PROM1: variants seen among roughly 807,000 people sequenced by gnomAD.
The protein encoded by PROM1 is prominin-1.
In PROM1, 105 loss-of-function variants were observed where a neutral mutation model predicts 116.9. The ratio of observed to expected loss-of-function variants is 0.90; its 90% CI spans 0.77 to 1.06. The LOEUF is 1.06. PROM1 is among the 50% of genes least tolerant of loss of function. The pLI, the probability that PROM1 is intolerant of heterozygous loss-of-function variation, is 0.00. For synonymous variants in PROM1, 393 were observed against 387.0 expected, an observed-to-expected ratio of 1.02 and a Z score of -0.18; for missense variants, 1,122 against 1,045.2, an observed-to-expected ratio of 1.07 and a Z score of -1.01.
rs374394451 is a variant in PROM1 at position 16,018,482 on chromosome 4, G to A, written c.843C>T (p.His281=). ...ENMNSTLKSL[H]QQSTQLSSSL... is the part of the protein sequence containing the mutation. ...TGCTGCTAAGCTGTGTACTTTGTTGGTGCAAGCTCTTCAAGGTGCTGTTCA... is the reference window on the plus strand; with the variant it reads ...TGCTGCTAAGCTGTGTACTTTGTTGATGCAAGCTCTTCAAGGTGCTGTTCA... The change falls in exon 9 of 28, where the codon CAC becomes CAT. Residue 281 remains histidine (H), a synonymous_variant. Coordinates refer to ENST00000447510, the MANE Select transcript of PROM1 (RefSeq NM_006017.3). The A allele has an allele frequency of 1.5e-4, 242 of 1,612,934 alleles. No homozygotes were observed. Among genetic ancestry groups the A allele is most frequent in the Non-Finnish European group, 3.4e-5 (40 of 1,179,832 alleles).
At chr4:16,006,321 G>A (rs1239821345) in intron 13 of PROM1, among the ~76,000 whole-genome samples, 1 of 152,216 alleles carries the variant, frequency 6.6e-6, no homozygotes, top group Non-Finnish European at 1.5e-5. Flanking sequence ...TAGTGTTGTT[G>A]TTGTTGTTGT....
At chr4:16,014,423 G>A (rs570646203) in intron 10 of PROM1, among the ~76,000 whole-genome samples, 22 of 152,256 alleles carry the variant, frequency 1.4e-4, no homozygotes, top group African/African-American at 2.9e-4. Flanking sequence ...CAGATCTCCC[G>A]GTTCAATGCC....
intron 23 of PROM1, among the ~76,000 whole-genome samples, chr4:15,982,664 G>C (rs890411409): frequency 2.0e-5 from 3 of 152,132 alleles, no homozygotes; most frequent in Non-Finnish European, 4.4e-5. Context: ...TATGTGGTTC[G>C]ACTGAATGGG....
rs1370714952 is a variant in PROM1, at chr4:16,075,840, G to C, written c.67C>G (p.Pro23Ala). 4.3e-6 allele frequency: 7 copies of C among 1,613,642 alleles called. No individual in the cohort carries two copies. The African/African-American group carries it at 5.3e-5, about 12-fold the overall frequency. The part of the protein sequence containing the change: ...LCGNSFSGGQ[P>A]SSTDAPKAWN... ...GCCTTAGGAGCATCTGTGGATGAAG[G>C]CTGCCCTCCTGAAAAGGAGTTCCCG... The change falls in exon 2 of 28, where the codon CCT becomes GCT. Residue 23 changes from proline to alanine, a missense_variant. Coordinates refer to ENST00000447510, the MANE Select transcript of PROM1 (RefSeq NM_006017.3).
At chr4:15,994,922 C>G (rs184052639) in intron 15 of PROM1, among the ~76,000 whole-genome samples, 61 of 152,252 alleles carry the variant, frequency 4.0e-4, no homozygotes, top group African/African-American at 1.5e-3. Flanking sequence ...CATGAACAAC[C>G]AGAGGTAAAA....
chr4:16,028,162 A>G (rs1731798153), intron 5 of PROM1, among the ~76,000 whole-genome samples: 2 of 152,206 alleles, frequency 1.3e-5, no homozygotes, highest in Non-Finnish European at 1.5e-5. Context: ...AAAGAGAAAA[A>G]GAAAAAAAAT....
intron 27 of PROM1, among the ~76,000 whole-genome samples, chr4:15,969,584 A>T (rs140652931): frequency 6.6e-6 from 1 of 152,062 alleles, no homozygotes; most frequent in African/African-American, 2.4e-5. Context: ...TATTTATCTT[A>T]TTTTATTTAT....
chr4:16,025,519 T>A (rs1386532036), intron 5 of PROM1, among the ~76,000 whole-genome samples: 1 of 152,168 alleles, frequency 6.6e-6, no homozygotes, highest in Admixed American at 6.5e-5. Flanking sequence ...CAGGACTCAG[T>A]CCTCTCAGAG....
chr4:16,022,951 T>G (rs1730279900), intron 8 of PROM1, among the ~76,000 whole-genome samples: 1 of 152,156 alleles, frequency 6.6e-6, no homozygotes, highest in Admixed American at 6.6e-5. Flanking sequence ...ACGGTAAATA[T>G]TTTAGGTTTT....
chr4:15,997,420 C>A (rs1158986619), intron 15 of PROM1, among the ~76,000 whole-genome samples: 1 of 150,462 alleles, frequency 6.6e-6, no homozygotes. Context: ...GTATACATCA[C>A]CTGAGGTCAG....
At position 15,994,115 on chromosome 4, in the gene PROM1, C is replaced by T. The variant is rs755559186; in HGVS notation, c.1683-44G>A. On this transcript the variant is annotated intron_variant, in intron 15 of 27. Transcript: ENST00000447510. ...AAATTAGGACCTAGAAAAGCTGTTGCAGCTACCTCTGTCCACCACTGAAGA... is the reference window on the plus strand; with the variant it reads ...AAATTAGGACCTAGAAAAGCTGTTGTAGCTACCTCTGTCCACCACTGAAGA... The T allele has an allele frequency of 4.3e-6, 7 of 1,612,112 alleles. No individual in the cohort carries two copies. In the Middle Eastern group the frequency reaches 5.0e-4, roughly 114 times the overall value.
At chr4:16,000,965 A>G (rs1298725773) in intron 13 of PROM1, among the ~76,000 whole-genome samples, 1 of 152,170 alleles carries the variant, frequency 6.6e-6, no homozygotes, top group East Asian at 1.9e-4. Context: ...GGGGTAGCCA[A>G]TAAGGGGCTG....
chr4:16,055,419 G>T lies in PROM1; in HGVS notation c.221-16418C>A, dbSNP rs560120492. On this transcript the variant is annotated intron_variant, in intron 2 of 27. Coordinates refer to ENST00000447510, the MANE Select transcript of PROM1 (RefSeq NM_006017.3). ...TGGCTGCAGGGTCTTAAATGAGCAG[G>T]CTTCTCCTATCTGGGCCTTTGTGTT... is the stretch of plus-strand genomic sequence containing the variant. The T allele has an allele frequency of 3.7e-5, 17 of 456,210 alleles. 1 individual carries two copies. The East Asian group carries it at 6.3e-4, about 17-fold the overall frequency. 28.3% of individuals were successfully genotyped at this position (456,210 alleles called of 1,614,324 possible).
chr4:16,033,312 T>G lies in PROM1; in HGVS notation c.501A>C (p.Ile167=). Residue 167 remains isoleucine, a synonymous_variant, in exon 5 of 28, where the codon ATA becomes ATC. Coordinates refer to ENST00000447510, the MANE Select transcript of PROM1 (RefSeq NM_006017.3). ...CFAISLLVIC[I]IISIGIFYGF... is the part of the protein sequence containing the mutation. ...TCCAATATTGTACTTGCCTTATTAT[T>G]ATACAAATCACCAACAGGGAGATTG... 1 of 1,612,222 alleles carries G rather than the reference T, an allele frequency of 6.2e-7. No homozygotes were observed. Among genetic ancestry groups the G allele is most frequent in the Non-Finnish European group, 8.5e-7 (1 of 1,178,642 alleles).
At chr4:16,032,796 C>T (rs1055537432) in intron 5 of PROM1, among the ~76,000 whole-genome samples, 12 of 152,114 alleles carry the variant, frequency 7.9e-5, no homozygotes, top group East Asian at 1.9e-4. Flanking sequence ...GGGAGGGTAG[C>T]GGATTAACAG....
At chr4:15,974,579 G>A (rs1715599475) in intron 26 of PROM1, among the ~76,000 whole-genome samples, 1 of 152,066 alleles carries the variant, frequency 6.6e-6, no homozygotes. Flanking sequence ...CTCCTCACTT[G>A]GTAAGTACTA....
chr4:15,982,462 C>G (rs547943169), intron 23 of PROM1, among the ~76,000 whole-genome samples: 1 of 152,170 alleles, frequency 6.6e-6, no homozygotes, highest in African/African-American at 2.4e-5. Context: ...TGCCTCAATC[C>G]TTTTGGGGAC....
At chr4:16,042,244 T>C (rs560326224) in intron 2 of PROM1, among the ~76,000 whole-genome samples, 1 of 152,352 alleles carries the variant, frequency 6.6e-6, no homozygotes, top group South Asian at 2.1e-4. Context: ...TCCACCACCA[T>C]GAGCTTGACA....
intron 2 of PROM1, among the ~76,000 whole-genome samples, chr4:16,042,856 G>A (rs1735660128): frequency 6.6e-6 from 1 of 152,128 alleles, no homozygotes; most frequent in African/African-American, 2.4e-5. Context: ...CTAACACCCA[G>A]TACCTCAACG....
Sources: allele counts gnomAD v4.1 joint callset (sites outside exome capture counted in the v4.1 genomes callset), GRCh38; gene constraint gnomAD v4.1.1; transcripts MANE v1.5; gene names NCBI Gene and HGNC (gene_info 2026-07-23, HGNC 2026-07-21).